The following ATP11A variants were observed in gnomAD, a reference collection of about 807,000 sequenced individuals.
ATP11A encodes the protein phospholipid-transporting ATPase IH.
A neutral mutation model predicts 154.4 loss-of-function variants in ATP11A; 81 were observed. That is an observed-to-expected ratio of 0.52 (90% CI 0.44 to 0.63). The LOEUF is 0.63. Among genes scored for constraint, ATP11A ranks in the 30% least tolerant of loss-of-function variants. ATP11A has a pLI of 0.00. For synonymous variants in ATP11A, 623 were observed against 585.9 expected (o/e 1.06, Z -0.91); for missense variants, 1,316 against 1,474.3 (o/e 0.89, Z 1.76).
In ATP11A at chr13:112,838,355, C is replaced by T. The variant is rs112346541; in HGVS notation, c.1705+2104C>T. Among the ~76,000 whole-genome samples the T allele has an allele frequency of 2.6e-5, 4 of 152,234 alleles. No individual in the cohort carries two copies. Among genetic ancestry groups the T allele is most frequent in the African/African-American group, 9.6e-5 (4 of 41,558 alleles). On this transcript the variant is annotated intron_variant, in intron 16 of 29. Coordinates refer to ENST00000375645, the MANE Select transcript of ATP11A (RefSeq NM_015205.3). This position sits in a 1 kb window ranked among gnomAD's most constrained non-coding sequence, Gnocchi z 7.3. ...GCTGTTGAGCCATGGCTGGAACATG[C>T]TGCCCGTGACCTGCGGGGCTGACTC... is the stretch of plus-strand genomic sequence containing the variant.
In ATP11A at chr13:112,857,866, A is replaced by T. The variant is rs1265665497; in HGVS notation, c.2467A>T (p.Ile823Phe). 6.2e-7 allele frequency: 1 copy of T among 1,614,228 alleles called. No individual in the cohort carries two copies. Among genetic ancestry groups the T allele is most frequent in the Admixed American group, 1.7e-5 (1 of 60,036 alleles). The change falls in exon 21 of 30, where the codon ATT becomes TTT. Residue 823 changes from isoleucine to phenylalanine, a missense_variant. By Grantham distance (21) the Ile-to-Phe change is conservative (BLOSUM62 0). This residue lies in a region of ATP11A where 876 missense variants were observed against 1,006.8 expected (regional missense o/e 0.87). Coordinates refer to ENST00000375645, the MANE Select transcript of ATP11A (RefSeq NM_015205.3). The stretch of plus-strand genomic sequence containing the variant: ...AAAAGAGCACCCAATCACGTTAGCA[A>T]TTGGCGATGGTGCAAATGATGTCAG... ...FSKEHPITLA[I>F]GDGANDVSMI...
At chr13:112,730,088 C>T (rs1350433374) in intron 1 of ATP11A, among the ~76,000 whole-genome samples, 1 of 152,186 alleles carries the variant, frequency 6.6e-6, no homozygotes, top group East Asian at 1.9e-4. Flanking sequence ...CGAGTTTCTT[C>T]ATGGGAAATA....
chr13:112,824,257 T>C, intron 9 of ATP11A, 87 bp from the exon 10 acceptor site: 2 of 1,033,788 alleles, frequency 1.9e-6, no homozygotes, highest in Non-Finnish European at 3.0e-6. Context: ...TACCCAAGAA[T>C]TGATTTTCCC....
chr13:112,820,022 C>A, intron 8 of ATP11A, 72 bp downstream of exon 8: 1 of 1,419,972 alleles, frequency 7.0e-7, no homozygotes, highest in Non-Finnish European at 9.5e-7. Flanking sequence ...CTTTGACGGA[C>A]AAGGGTTTCC....
chr13:112,700,615 C>T (rs191900765), intron 1 of ATP11A, among the ~76,000 whole-genome samples: 11 of 152,338 alleles, frequency 7.2e-5, no homozygotes, highest in Non-Finnish European at 8.8e-5. Flanking sequence ...GGTGAGTGAA[C>T]GCCCTCCTGG....
chr13:112,794,075 A>G (rs1170686169), intron 2 of ATP11A, among the ~76,000 whole-genome samples: 1 of 152,138 alleles, frequency 6.6e-6, no homozygotes, highest in East Asian at 1.9e-4. Flanking sequence ...ATTCAGCAAA[A>G]CACATGGTGT....
In ATP11A at chr13:112,842,360, G is replaced by T. The variant is rs2079447051; in HGVS notation, c.1790G>T (p.Arg597Ile). The T allele has an allele frequency of 1.2e-6, 2 of 1,608,316 alleles. No individual in the cohort carries two copies. The highest frequency in any genetic ancestry group is 1.7e-6 in the Non-Finnish European group (2 of 1,177,212). Residue 597 changes from arginine (R) to isoleucine (I), a missense_variant, in exon 17 of 30, where the codon AGA becomes ATA. By Grantham distance (97) the Arg-to-Ile change is moderately conservative. Coordinates refer to ENST00000375645, the MANE Select transcript of ATP11A (RefSeq NM_015205.3). ...GGCAAAGTTGACCAGATCCGAGCCA[G>T]AGTGGAGCGTAACGCAGTGGTGAGA... ...IEGKVDQIRA[R>I]VERNAVEGLR...
At chr13:112,823,283 G>A (rs2078847505) in intron 8 of ATP11A, 62 bp from the exon 9 acceptor site, 3 of 1,311,592 alleles carry the variant, frequency 2.3e-6, no homozygotes, top group Non-Finnish European at 2.2e-6. Context: ...TCTGCCTCTT[G>A]CCCCCCGCCC....
intron 8 of ATP11A, among the ~76,000 whole-genome samples, chr13:112,821,057 C>T (rs535896431): frequency 7.2e-5 from 11 of 152,146 alleles, no homozygotes; most frequent in Non-Finnish European, 1.0e-4. Flanking sequence ...GGTTTGCCTA[C>T]GTATATACTG....
chr13:112,790,616 G>A (rs1273731839), intron 2 of ATP11A, among the ~76,000 whole-genome samples: 1 of 147,676 alleles, frequency 6.8e-6, no homozygotes, highest in Non-Finnish European at 1.5e-5. Context: ...AGACCCCTGC[G>A]ATAGACCTCC....
intron 1 of ATP11A, among the ~76,000 whole-genome samples, chr13:112,769,935 C>T (rs889828909): frequency 2.0e-5 from 3 of 152,220 alleles, no homozygotes; most frequent in Non-Finnish European, 2.9e-5. Context: ...TGGTCAGAAA[C>T]GTACTCCTGT....
At chr13:112,874,644 C>T (rs919425611) in intron 27 of ATP11A, among the ~76,000 whole-genome samples, 5 of 152,178 alleles carry the variant, frequency 3.3e-5, no homozygotes, top group African/African-American at 1.2e-4. Flanking sequence ...GGGCGGGACT[C>T]TCAGCCCAGG....
At chr13:112,812,582 C>T (rs898553397) in intron 5 of ATP11A, among the ~76,000 whole-genome samples, 8 of 152,304 alleles carry the variant, frequency 5.3e-5, no homozygotes, top group Admixed American at 2.6e-4. Context: ...TCCAGTGGGA[C>T]GGGACCCCAG....
intron 5 of ATP11A, chr13:112,811,840 T>A (rs982751967): frequency 6.6e-6 from 1 of 152,216 alleles, no homozygotes; most frequent in African/African-American, 2.4e-5. Flanking sequence ...TCTCCTGACC[T>A]TGTGATCCGC....
chr13:112,740,262 C>T (rs1408659171), intron 1 of ATP11A, among the ~76,000 whole-genome samples: 2 of 152,004 alleles, frequency 1.3e-5, no homozygotes, highest in Non-Finnish European at 2.9e-5. Context: ...TCATTGCAAC[C>T]TCATCCCAGG....
At chr13:112,860,996 AAGG>A (rs2080085342) in intron 24 of ATP11A, among the ~76,000 whole-genome samples, 1 of 152,190 alleles carries the variant, frequency 6.6e-6, no homozygotes, top group South Asian at 2.1e-4. Flanking sequence ...TTTATGAAGG[AAGG>A]AGGTTTAATG....
At position 112,826,775 on chromosome 13, in the gene ATP11A, G is replaced by A. The variant is rs1307031480; in HGVS notation, c.1105G>A (p.Glu369Lys). ...CCCTGTGTCCATGTACGTCACGGTC[G>A]AGATGCAGAAGTTCCTCGGCTCTTA... ...IIPVSMYVTV[E>K]MQKFLGSYFI... Residue 369 changes from glutamate (E) to lysine (K), a missense_variant, in exon 12 of 30, where the codon GAG becomes AAG. Around this residue, in one of 5 missense-constraint regions of ATP11A, gnomAD observed 876 missense variants for 1,006.8 expected, o/e 0.87. Transcript: ENST00000375645. 3 of 1,614,160 alleles carry A rather than the reference G, an allele frequency of 1.9e-6. No homozygotes were observed. The highest frequency in any genetic ancestry group is 2.5e-6 in the Non-Finnish European group (3 of 1,180,046).
chr13:112,835,870 G>A (rs749487576), intron 15 of ATP11A, among the ~76,000 whole-genome samples: 6 of 152,236 alleles, frequency 3.9e-5, no homozygotes, highest in Admixed American at 2.6e-4. Flanking sequence ...GGAGGGAGTC[G>A]GTGCGTAGGG....
chr13:112,822,283 C>A (rs1239015002), intron 8 of ATP11A, among the ~76,000 whole-genome samples: 1 of 152,208 alleles, frequency 6.6e-6, no homozygotes, highest in Non-Finnish European at 1.5e-5. Flanking sequence ...TTTCCATCAG[C>A]AGGGAACCCT....
Sources: allele counts gnomAD v4.1 joint callset (sites outside exome capture counted in the v4.1 genomes callset), GRCh38; gene constraint gnomAD v4.1.1; regional missense constraint gnomAD v4.1.1; non-coding constraint Gnocchi (gnomAD v3.1); transcripts MANE v1.5; gene names NCBI Gene and HGNC (gene_info 2026-07-23, HGNC 2026-07-21).